Variants in GSG1L observed in about 807,000 individuals in gnomAD.
GSG1L encodes the protein GSG1 like, also known as germ cell-specific gene 1-like protein.
GSG1L carries 24 observed loss-of-function variants against 42.1 expected under a neutral mutation model. The observed-to-expected ratio is 0.57, with a 90% CI of 0.41 to 0.80. The LOEUF is 0.80. Ranked by LOEUF, GSG1L falls within the 30% of genes least tolerant of loss-of-function variation. The pLI is 0.00. For synonymous variants in GSG1L, 215 were observed against 203.5 expected, an observed-to-expected ratio of 1.06 and a Z score of -0.48; for missense variants, 445 against 472.2, an observed-to-expected ratio of 0.94 and a Z score of 0.53.
At chr16:27,968,027 C>T (rs2085154255) in intron 1 of GSG1L, among the ~76,000 whole-genome samples, 1 of 152,038 alleles carries the variant, frequency 6.6e-6, no homozygotes, top group South Asian at 2.1e-4. Flanking sequence ...GATGTAATGG[C>T]CAAATTCAGA....
rs772279492 is a variant in GSG1L at position 28,063,389 on chromosome 16, G to C, written c.36C>G (p.Ala12=). ...GCAGCGCCAGCAGGTTCAGGGCCAC[G>C]GCCAGGAGCGCTCGGCCGCGGCGGC... The part of the protein sequence containing the change: ...KTSRRGRALL[A]VALNLLALLF... The change falls in exon 1 of 7, where the codon GCC becomes GCG. Residue 12 remains alanine (A), a synonymous_variant. Coordinates refer to ENST00000447459, the MANE Select transcript of GSG1L (RefSeq NM_001109763.2). The surrounding 1 kb of genome is among the most constrained non-coding windows in gnomAD (Gnocchi z 5.8). 2.2e-6 allele frequency: 3 copies of C among 1,355,392 alleles called. No homozygotes were observed. The highest frequency in any genetic ancestry group is 1.5e-5 in the South Asian group (1 of 67,500). 84.0% of individuals were successfully genotyped at this position (1,355,392 alleles called of 1,614,324 possible).
At chr16:27,917,495 A>C (rs1004989889) in intron 2 of GSG1L, among the ~76,000 whole-genome samples, 7 of 152,142 alleles carry the variant, frequency 4.6e-5, no homozygotes, top group Non-Finnish European at 8.8e-5. Flanking sequence ...CAGAATAAGC[A>C]AAAGAGGAGA....
intron 2 of GSG1L, among the ~76,000 whole-genome samples, chr16:27,948,598 T>A (rs1479325845): frequency 6.9e-6 from 1 of 144,714 alleles, no homozygotes; most frequent in Non-Finnish European, 1.5e-5. Flanking sequence ...GGTCTTGAAC[T>A]TCTTCTTCTT....
chr16:28,039,269 C>T (rs866876070), intron 1 of GSG1L, among the ~76,000 whole-genome samples: 1 of 152,278 alleles, frequency 6.6e-6, no homozygotes, highest in African/African-American at 2.4e-5. Context: ...TTCCATTCCA[C>T]CCTATGACGT....
rs13339068 is a variant in GSG1L at position 27,949,144 on chromosome 16, G to A, written c.397+14012C>T. On this transcript the variant is annotated intron_variant, in intron 2 of 6. Coordinates refer to ENST00000447459, the MANE Select transcript of GSG1L (RefSeq NM_001109763.2). ...GCTGCCAAGGCTGGTCTCTAACTCCGGGGCTCAAGCAATCCTCCCACCTTG... is the reference window on the plus strand; with the variant it reads ...GCTGCCAAGGCTGGTCTCTAACTCCAGGGCTCAAGCAATCCTCCCACCTTG... Among the ~76,000 whole-genome samples the A allele has an allele frequency of 1.3e-4, 20 of 151,410 alleles. No homozygotes were observed. In the East Asian group the frequency reaches 2.7e-3, roughly 21 times the overall value.
intron 4 of GSG1L, among the ~76,000 whole-genome samples, chr16:27,840,032 C>CTT (rs11329489): frequency 1.5e-5 from 2 of 129,766 alleles, no homozygotes; most frequent in East Asian, 2.2e-4. Flanking sequence ...TAACCTTAAT[C>CTT]TTTTTTTTTT....
chr16:27,838,244 A>G (rs2083340887), intron 4 of GSG1L, among the ~76,000 whole-genome samples: 1 of 152,222 alleles, frequency 6.6e-6, no homozygotes, highest in Non-Finnish European at 1.5e-5. Context: ...GAATGGATAA[A>G]CACAGATAAA....
intron 1 of GSG1L, among the ~76,000 whole-genome samples, chr16:27,964,116 G>C (rs1039691535): frequency 6.6e-6 from 1 of 152,118 alleles, no homozygotes; most frequent in African/African-American, 2.4e-5. Context: ...CGGATCATGA[G>C]GTCAAGAGAT....
At chr16:27,840,557 T>A (rs9923069) in intron 4 of GSG1L, among the ~76,000 whole-genome samples, 3 of 152,024 alleles carry the variant, frequency 2.0e-5, no homozygotes, top group African/African-American at 7.2e-5. Flanking sequence ...GCAAACTCTG[T>A]GCTGAGTGCT....
At chr16:28,056,978 T>C (rs141510783) in intron 1 of GSG1L, among the ~76,000 whole-genome samples, 1 of 152,088 alleles carries the variant, frequency 6.6e-6, no homozygotes, top group Non-Finnish European at 1.5e-5. Context: ...TACGGGGTTG[T>C]CTTATGGAAG....
At chr16:27,883,320 G>A (rs531874485) in intron 3 of GSG1L, among the ~76,000 whole-genome samples, 3 of 151,514 alleles carry the variant, frequency 2.0e-5, no homozygotes, top group Admixed American at 6.6e-5. Flanking sequence ...GGGATGGGGT[G>A]CATGGGGATG....
In GSG1L at chr16:27,924,924, C is replaced by T. The variant is rs578246108; in HGVS notation, c.397+38232G>A. 3.3e-5 allele frequency among the ~76,000 whole-genome samples: 5 copies of T among 152,170 alleles called. No individual in the cohort carries two copies. In the East Asian group the frequency reaches 9.7e-4, roughly 29 times the overall value. ...CATCTCTTAAGAGTAAGAGACCTTC[C>T]CCAGTCTCCCAGCAACACCGGATCA... On this transcript the variant is annotated intron_variant, in intron 2 of 6. Coordinates refer to ENST00000447459, the MANE Select transcript of GSG1L (RefSeq NM_001109763.2).
At chr16:27,928,517 G>GAAAAC (rs71985960) in intron 2 of GSG1L, among the ~76,000 whole-genome samples, 27 of 150,880 alleles carry the variant, frequency 1.8e-4, no homozygotes, top group Non-Finnish European at 2.7e-4. Context: ...GAAAAGAAAA[G>GAAAAC]AAAACAAAAC....
At chr16:28,050,937 T>C (rs1030886648) in intron 1 of GSG1L, among the ~76,000 whole-genome samples, 2 of 152,170 alleles carry the variant, frequency 1.3e-5, no homozygotes, top group African/African-American at 4.8e-5. Flanking sequence ...TTAATAAATT[T>C]AGGTTACATG....
chr16:27,863,708 T>C (rs2083682085), intron 3 of GSG1L, among the ~76,000 whole-genome samples: 1 of 152,168 alleles, frequency 6.6e-6, no homozygotes, highest in African/African-American at 2.4e-5. Flanking sequence ...TATTTCGAGA[T>C]GACAGCCAAA....
At chr16:27,908,718 C>G (rs2084348107) in intron 2 of GSG1L, among the ~76,000 whole-genome samples, 1 of 152,182 alleles carries the variant, frequency 6.6e-6, no homozygotes, top group Non-Finnish European at 1.5e-5. Context: ...GGATGGAGCC[C>G]TCCTGACCTA....
In GSG1L at chr16:27,952,442, G is replaced by A. The variant is rs541256085; in HGVS notation, c.397+10714C>T. On this transcript the variant is annotated intron_variant, in intron 2 of 6. Transcript: ENST00000447459. ...GGTTTTGAAGGATGAATATAAGTTT[G>A]CAAAGCAAACGAGGTGGTAAAGGCA... 6.7e-4 allele frequency among the ~76,000 whole-genome samples: 102 copies of A among 152,312 alleles called. 1 individual carries two copies. The highest frequency in any genetic ancestry group is 2.4e-3 in the African/African-American group (98 of 41,558).
Position 27,807,532 on chromosome 16 carries a change from C to T in GSG1L, c.853G>A (p.Glu285Lys), listed in dbSNP as rs562822713. Residue 285 changes from glutamate to lysine, a missense_variant, in exon 6 of 7, where the codon GAG (glutamate) becomes AAG (lysine). By Grantham distance (56) the Glu-to-Lys change is moderately conservative. Transcript: ENST00000447459. ...CGGCAGTCTAAGTGAAAGTCCTCCT[C>T]GCTCCCGTCCCTCTTCTCCATCCTG... The part of the protein sequence containing the change: ...RERMEKRDGS[E>K]EDFHLDCRHE... 13 of 1,612,558 alleles carry T rather than the reference C, an allele frequency of 8.1e-6. No homozygotes were observed. The highest frequency in any genetic ancestry group is 5.0e-5 in the Admixed American group (3 of 59,956).
At chr16:27,889,723 C>G (rs1185404672) in intron 2 of GSG1L, among the ~76,000 whole-genome samples, 9 of 152,136 alleles carry the variant, frequency 5.9e-5, no homozygotes, top group Admixed American at 5.9e-4. Context: ...CTGACAGCAC[C>G]CCTTGCTTTC....
Sources: allele counts gnomAD v4.1 joint callset (sites outside exome capture counted in the v4.1 genomes callset), GRCh38; gene constraint gnomAD v4.1.1; non-coding constraint Gnocchi (gnomAD v3.1); transcripts MANE v1.5; gene names NCBI Gene and HGNC (gene_info 2026-07-23, HGNC 2026-07-21).